The following KIAA1217 variants were observed in gnomAD, a reference collection of about 807,000 sequenced individuals.
KIAA1217 encodes sickle tail protein homolog.
In KIAA1217, 88 loss-of-function variants were observed where a neutral mutation model predicts 163.9. The ratio of observed to expected loss-of-function variants is 0.54; its 90% CI spans 0.45 to 0.64. KIAA1217 has a LOEUF of 0.64. Ranked by LOEUF, KIAA1217 falls within the 30% of genes least tolerant of loss-of-function variation. The pLI is 0.00. For synonymous variants in KIAA1217, 903 were observed against 923.1 expected (o/e 0.98, Z 0.39); for missense variants, 2,372 against 2,475.0 (o/e 0.96, Z 0.88).
At position 24,544,419 on chromosome 10, in the gene KIAA1217, G is replaced by A. The variant is rs1164742312; in HGVS notation, c.5149G>A (p.Val1717Ile). The change falls in exon 19 of 21, where the codon GTT becomes ATT. Residue 1717 changes from valine to isoleucine, a missense_variant. This residue lies in a region of KIAA1217 where 690 missense variants were observed against 677.5 expected (regional missense o/e 1.02). Transcript: ENST00000376454. Reference sequence around the variant, plus strand: ...AGAGGCCTCTCCCCGACCCTTGCTAGTTCCGGATGAAGGTCCCACTGCCCT... The same window carrying A: ...AGAGGCCTCTCCCCGACCCTTGCTAATTCCGGATGAAGGTCCCACTGCCCT... ...AQEASPRPLL[V>I]PDEGPTALEP... 6.2e-7 allele frequency: 1 copy of A among 1,614,112 alleles called. No individual in the cohort carries two copies. The highest frequency in any genetic ancestry group is 8.5e-7 in the Non-Finnish European group (1 of 1,180,016).
intron 5 of KIAA1217, among the ~76,000 whole-genome samples, chr10:24,447,569 G>A (rs535944123): frequency 2.0e-5 from 3 of 152,148 alleles, no homozygotes; most frequent in East Asian, 1.9e-4. Context: ...TCATCTTCAC[G>A]CTCCCTGTGG....
intron 2 of KIAA1217, among the ~76,000 whole-genome samples, chr10:24,177,299 T>TATATATATA (rs1554894744): frequency 0.025 from 1,172 of 46,838 alleles, 142 homozygotes; most frequent in South Asian, 0.03. Context: ...ATATATATAT[T>TATATATATA]ACAATTTCTT....
chr10:24,524,511 T>G lies in KIAA1217; in HGVS notation c.2645T>G (p.Met882Arg), dbSNP rs1350423896. Residue 882 changes from methionine to arginine, a missense_variant, in exon 13 of 21, where the codon ATG becomes AGG. Met to Arg is a moderately conservative substitution (Grantham distance 91). Coordinates refer to ENST00000376454, the MANE Select transcript of KIAA1217 (RefSeq NM_019590.5). ...TCGGAAGTGGTGCCTTTGTCCGGCA[T>G]GATGGTTCGCCACGCGCAGAGCTCC... Reference protein sequence around the residue: ...AKSEVVPLSGMMVRHAQSSPV... With the variant: ...AKSEVVPLSGRMVRHAQSSPV... 4 of 1,614,144 alleles carry G rather than the reference T, an allele frequency of 2.5e-6. No homozygotes were observed. Among genetic ancestry groups the G allele is most frequent in the Admixed American group, 3.3e-5 (2 of 60,010 alleles).
intron 6 of KIAA1217, among the ~76,000 whole-genome samples, chr10:24,484,251 T>A (rs1340933931): frequency 0.011 from 1,176 of 108,086 alleles, 32 homozygotes; most frequent in African/African-American, 0.04. Context: ...ATTTTTTTTT[T>A]TTTTTTTTTT....
At chr10:23,790,378 TATATATACATATGTATATATAC>T (rs1295388038) in intron 1 of KIAA1217, among the ~76,000 whole-genome samples, 2,528 of 86,236 alleles carry the variant, frequency 0.029, 341 homozygotes, top group Middle Eastern at 0.058. Flanking sequence ...TATACATATG[TATATATACATATGTATATATAC>T]ATATATACAT....
intron 2 of KIAA1217, among the ~76,000 whole-genome samples, chr10:24,020,107 G>T (rs1207380882): frequency 2.6e-5 from 4 of 152,020 alleles, no homozygotes; most frequent in Non-Finnish European, 5.9e-5. Context: ...ACCACATATG[G>T]TTCCAGAAAT....
intron 9 of KIAA1217, among the ~76,000 whole-genome samples, chr10:24,509,776 CCTG>C (rs757685776): frequency 3.2e-4 from 48 of 151,798 alleles, no homozygotes; most frequent in South Asian, 8.3e-4. Context: ...TTTTCACATG[CCTG>C]CTGTGTCAAA....
intron 1 of KIAA1217, among the ~76,000 whole-genome samples, chr10:23,982,537 C>T (rs1845814023): frequency 1.1e-5 from 1 of 92,526 alleles, no homozygotes; most frequent in African/African-American, 5.2e-5. Context: ...GTTTCTCTCT[C>T]TCTCTCTCTC....
intron 1 of KIAA1217, among the ~76,000 whole-genome samples, chr10:23,710,159 C>T (rs1007863469): frequency 2.0e-5 from 3 of 151,006 alleles, no homozygotes; most frequent in Admixed American, 1.3e-4. Flanking sequence ...TGGGACGGGG[C>T]CTTCTGTTAC....
At chr10:24,348,423 A>G (rs1283589362) in intron 2 of KIAA1217, among the ~76,000 whole-genome samples, 2 of 152,202 alleles carry the variant, frequency 1.3e-5, no homozygotes, top group African/African-American at 2.4e-5. Flanking sequence ...GTTCATTCCA[A>G]TACTCACATA....
chr10:23,974,790 G>A (rs1439357399), intron 1 of KIAA1217, among the ~76,000 whole-genome samples: 1 of 152,074 alleles, frequency 6.6e-6, no homozygotes, highest in Admixed American at 6.5e-5. Flanking sequence ...CACCAAGTAC[G>A]ACGCCAGCCA....
rs2075740910 is a variant in KIAA1217 at position 24,546,895 on chromosome 10, G to C, written c.*571G>C. 6.5e-6 allele frequency: 1 copy of C among 152,724 alleles called. No individual in the cohort carries two copies. Among genetic ancestry groups the C allele is most frequent in the Non-Finnish European group, 1.5e-5 (1 of 68,206 alleles). 9.5% of individuals were successfully genotyped at this position (152,724 alleles called of 1,614,324 possible). A position where few individuals can be genotyped will look rare whatever the true frequency, so the allele number is the denominator to read the frequency against. ...TTGTACATTTGAAAGTAGTGTTCTA[G>C]ACTATAAAACCAATGAACTTCTACA... On this transcript the variant is annotated 3_prime_UTR_variant, in exon 21 of 21. Coordinates refer to ENST00000376454, the MANE Select transcript of KIAA1217 (RefSeq NM_019590.5).
At chr10:24,481,478 C>A (rs1308766906) in intron 6 of KIAA1217, 2 of 152,228 alleles carry the variant, frequency 1.3e-5, no homozygotes, top group African/African-American at 2.4e-5. Flanking sequence ...TCACATGGCA[C>A]CCCCAGAGGC....
At chr10:23,966,810 G>T (rs1845085055) in intron 1 of KIAA1217, among the ~76,000 whole-genome samples, 2 of 152,166 alleles carry the variant, frequency 1.3e-5, no homozygotes, top group Admixed American at 1.3e-4. Context: ...ACTATGTGAT[G>T]ATGTAATTAA....
At chr10:24,029,288 C>T (rs369943052) in intron 2 of KIAA1217, among the ~76,000 whole-genome samples, 7 of 152,248 alleles carry the variant, frequency 4.6e-5, no homozygotes, top group African/African-American at 1.7e-4. Context: ...ACAATGGACA[C>T]TGCTCTATTT....
intron 1 of KIAA1217, among the ~76,000 whole-genome samples, chr10:23,857,643 T>G (rs552811375): frequency 6.6e-6 from 1 of 152,288 alleles, no homozygotes; most frequent in Admixed American, 6.5e-5. Context: ...AATAAACGGT[T>G]TGCACGCTTT....
intron 3 of KIAA1217, among the ~76,000 whole-genome samples, chr10:24,421,423 ATC>A (rs1466987771): frequency 6.6e-6 from 1 of 152,260 alleles, no homozygotes; most frequent in African/African-American, 2.4e-5. Flanking sequence ...ATAATAGTGT[ATC>A]TGCAGATTTC....
At chr10:24,336,979 A>T (rs2133719963) in intron 2 of KIAA1217, among the ~76,000 whole-genome samples, 1 of 152,360 alleles carries the variant, frequency 6.6e-6, no homozygotes, top group South Asian at 2.1e-4. Flanking sequence ...TGCAGGGCAA[A>T]AGTTTCATGA....
chr10:23,966,598 A>G (rs1845078166), intron 1 of KIAA1217, among the ~76,000 whole-genome samples: 2 of 152,196 alleles, frequency 1.3e-5, no homozygotes. Context: ...ATGAAGCTTG[A>G]GAATAAAAAC....
Sources: allele counts gnomAD v4.1 joint callset (sites outside exome capture counted in the v4.1 genomes callset), GRCh38; gene constraint gnomAD v4.1.1; regional missense constraint gnomAD v4.1.1; transcripts MANE v1.5; gene names NCBI Gene and HGNC (gene_info 2026-07-23, HGNC 2026-07-21).